Variants in PALMD observed in about 807,000 individuals in gnomAD.
PALMD encodes the protein paralemmin-like protein.
A neutral mutation model predicts 56.2 loss-of-function variants in PALMD; 42 were observed. The ratio of observed to expected loss-of-function variants is 0.75; its 90% CI spans 0.58 to 0.97. The LOEUF (loss-of-function observed/expected upper bound fraction) is 0.97, where lower values mean the gene tolerates loss of function less well. Ranked by LOEUF, PALMD falls within the 50% of genes least tolerant of loss-of-function variation. PALMD has a pLI of 0.00. For missense variants in PALMD, 660 were observed against 643.8 expected (o/e 1.03, Z -0.27); for synonymous variants, 242 against 222.9 (o/e 1.09, Z -0.76).
At chr1:99,665,110 C>G (rs1368751214) in intron 2 of PALMD, among the ~76,000 whole-genome samples, 2 of 152,064 alleles carry the variant, frequency 1.3e-5, no homozygotes, top group Non-Finnish European at 2.9e-5. Flanking sequence ...TACAGTCAAT[C>G]TGAAAAATTT....
chr1:99,670,217 G>A (rs576123886), intron 3 of PALMD, among the ~76,000 whole-genome samples: 8 of 152,108 alleles, frequency 5.3e-5, no homozygotes, highest in East Asian at 3.9e-4. Flanking sequence ...CCAATTTCTC[G>A]CATCTCACTA....
intron 3 of PALMD, chr1:99,685,491 C>T (rs1295832701): frequency 6.6e-6 from 1 of 152,176 alleles, no homozygotes; most frequent in Non-Finnish European, 1.5e-5. Context: ...ACAAGAAAAC[C>T]TCCTCAGTTA....
chr1:99,681,716 G>A (rs974702039), intron 3 of PALMD, among the ~76,000 whole-genome samples: 1 of 152,128 alleles, frequency 6.6e-6, no homozygotes. Flanking sequence ...TTCTGTGCAT[G>A]ACAGGACATT....
Position 99,657,155 on chromosome 1 carries a change from A to G in PALMD, c.46-5164A>G, listed in dbSNP as rs151171890. Among the ~76,000 whole-genome samples the G allele has an allele frequency of 2.2e-3, 341 of 152,208 alleles. 1 individual carries two copies. The highest frequency in any genetic ancestry group is 7.4e-3 in the African/African-American group (308 of 41,516). On this transcript the variant is annotated intron_variant, in intron 1 of 7. Transcript: ENST00000263174. ...CATCATGCTCTCATCTATCCCTTTC[A>G]AAACTCACACATCTTTATCTCTAGC... is the stretch of plus-strand genomic sequence containing the variant.
chr1:99,666,510 C>A (rs572573137), intron 2 of PALMD, among the ~76,000 whole-genome samples: 4 of 152,118 alleles, frequency 2.6e-5, no homozygotes, highest in Admixed American at 1.3e-4. Flanking sequence ...CACCCACACA[C>A]AAACACACAA....
intron 2 of PALMD, among the ~76,000 whole-genome samples, chr1:99,664,194 G>GA (rs1652913262): frequency 1.3e-5 from 2 of 152,130 alleles, no homozygotes; most frequent in Non-Finnish European, 2.9e-5. Context: ...GGAGTTGGGG[G>GA]AAATGACACA....
At position 99,652,494 on chromosome 1, in the gene PALMD, C is replaced by T. The variant is rs542619502; in HGVS notation, c.45+6132C>T. On this transcript the variant is annotated intron_variant, in intron 1 of 7. Transcript: ENST00000263174. ...TGGTCTGCGCCTGTAATCCCAGCTACTTGGGAAGCTGAGGAACGAGAATTG... is the reference window on the plus strand; with the variant it reads ...TGGTCTGCGCCTGTAATCCCAGCTATTTGGGAAGCTGAGGAACGAGAATTG... Among the ~76,000 whole-genome samples the T allele has an allele frequency of 3.2e-4, 48 of 152,030 alleles. No homozygotes were observed. In the South Asian group the frequency reaches 9.4e-3, roughly 30 times the overall value.
At chr1:99,651,694 C>G (rs1220348165) in intron 1 of PALMD, among the ~76,000 whole-genome samples, 1 of 152,162 alleles carries the variant, frequency 6.6e-6, no homozygotes, top group African/African-American at 2.4e-5. Context: ...TTCCCTTACC[C>G]AGAACCCTGT....
intron 2 of PALMD, among the ~76,000 whole-genome samples, chr1:99,665,901 G>A (rs1212977821): frequency 6.6e-6 from 1 of 152,136 alleles, no homozygotes; most frequent in Non-Finnish European, 1.5e-5. Context: ...GGGTCTGCAG[G>A]AAAACATTTT....
chr1:99,672,629 C>T (rs1653110829), intron 3 of PALMD, among the ~76,000 whole-genome samples: 1 of 152,188 alleles, frequency 6.6e-6, no homozygotes, highest in African/African-American at 2.4e-5. Flanking sequence ...CTGCAGTTGT[C>T]CATGACCTCC....
intron 2 of PALMD, among the ~76,000 whole-genome samples, chr1:99,664,465 G>A (rs1048976892): frequency 4.6e-5 from 7 of 152,060 alleles, no homozygotes; most frequent in African/African-American, 1.7e-4. Flanking sequence ...GTGAAATTTG[G>A]CCTGCGTCCT....
At chr1:99,676,227 A>C (rs1422709445) in intron 3 of PALMD, among the ~76,000 whole-genome samples, 1 of 152,176 alleles carries the variant, frequency 6.6e-6, no homozygotes, top group East Asian at 1.9e-4. Context: ...AGTTTGCACT[A>C]GTAGGCTAGA....
chr1:99,661,133 C>A (rs1184683645), intron 1 of PALMD, among the ~76,000 whole-genome samples: 1 of 152,154 alleles, frequency 6.6e-6, no homozygotes, highest in African/African-American at 2.4e-5. Flanking sequence ...TTCTAAATTA[C>A]CTTTACAGCT....
chr1:99,672,188 T>C (rs1477968615), intron 3 of PALMD, among the ~76,000 whole-genome samples: 1 of 152,120 alleles, frequency 6.6e-6, no homozygotes, highest in African/African-American at 2.4e-5. Context: ...TTTCAGAAAA[T>C]AAGTGGGTTT....
intron 3 of PALMD, among the ~76,000 whole-genome samples, chr1:99,680,501 C>G (rs1187727047): frequency 6.6e-6 from 1 of 152,126 alleles, no homozygotes; most frequent in Admixed American, 6.6e-5. Context: ...TCAAGCCCCA[C>G]CTAACAGCCT....
chr1:99,694,078 T>C lies in PALMD; in HGVS notation c.*16T>C. ...GGTGATCTAAGAGTTGTACCACCTA[T>C]ATAAACATCCTTTGAAGAAGAAACT... On this transcript the variant is annotated 3_prime_UTR_variant, in exon 8 of 8. Transcript: ENST00000263174. 1.9e-6 allele frequency: 3 copies of C among 1,540,252 alleles called. No individual in the cohort carries two copies. The highest frequency in any genetic ancestry group is 1.4e-5 in the African/African-American group (1 of 73,300).
At chr1:99,674,228 T>G (rs367667671) in intron 3 of PALMD, among the ~76,000 whole-genome samples, 6 of 152,240 alleles carry the variant, frequency 3.9e-5, no homozygotes, top group Admixed American at 1.3e-4. Context: ...TATATGTTAG[T>G]AGAAATAAAG....
intron 1 of PALMD, among the ~76,000 whole-genome samples, chr1:99,658,383 A>G (rs929041454): frequency 2.0e-5 from 3 of 152,058 alleles, no homozygotes; most frequent in African/African-American, 7.2e-5. Flanking sequence ...TACACAAATG[A>G]CTTTCTTTAG....
At chr1:99,659,046 C>G (rs1284816692) in intron 1 of PALMD, among the ~76,000 whole-genome samples, 1 of 152,066 alleles carries the variant, frequency 6.6e-6, no homozygotes, top group Non-Finnish European at 1.5e-5. Flanking sequence ...ACATAAGTAG[C>G]TAAGTATTGA....
Sources: gnomAD v4.1 joint callset for allele counts (sites outside exome capture counted in the v4.1 genomes callset) on GRCh38, gnomAD v4.1.1 for gene constraint, MANE v1.5 for transcripts, NCBI Gene and HGNC (gene_info 2026-07-23, HGNC 2026-07-21) for gene names.